The following DPH6 variants were observed in gnomAD, a reference collection of about 807,000 sequenced individuals.
The protein encoded by DPH6 is diphthine--ammonia ligase.
A neutral mutation model predicts 38.2 loss-of-function variants in DPH6; 33 were observed. The ratio of observed to expected loss-of-function variants is 0.86; its 90% CI spans 0.65 to 1.15. DPH6 has a LOEUF of 1.15. DPH6 is among the 50% of genes most tolerant of loss of function. The pLI is 0.00. For missense variants in DPH6, 325 were observed against 320.0 expected, an observed-to-expected ratio of 1.02 and a Z score of -0.12; for synonymous variants, 108 against 103.0, an observed-to-expected ratio of 1.05 and a Z score of -0.30.
chr15:35,486,391 G>A (rs1022140403), intron 3 of DPH6, among the ~76,000 whole-genome samples: 4 of 152,068 alleles, frequency 2.6e-5, no homozygotes, highest in Non-Finnish European at 5.9e-5. Flanking sequence ...AGGTTTAACT[G>A]ATTCACAGGT....
intron 5 of DPH6, among the ~76,000 whole-genome samples, chr15:35,427,060 C>T (rs2053578874): frequency 6.6e-6 from 1 of 150,680 alleles, no homozygotes. Flanking sequence ...ACTAAATAGA[C>T]ACCATGAGTG....
intron 3 of DPH6, among the ~76,000 whole-genome samples, chr15:35,317,653 A>G (rs577825893): frequency 6.6e-6 from 1 of 152,050 alleles, no homozygotes; most frequent in Non-Finnish European, 1.5e-5. Context: ...AAGGAATGAA[A>G]TATGACAGAA....
intron 1 of DPH6, among the ~76,000 whole-genome samples, chr15:35,543,383 C>T (rs1248716756): frequency 2.0e-5 from 3 of 149,784 alleles, no homozygotes; most frequent in African/African-American, 7.5e-5. Context: ...CTAAATCTAC[C>T]TAAGGCAGAC....
intron 3 of DPH6, chr15:35,520,249 G>T (rs1175613378): frequency 7.9e-4 from 483 of 607,632 alleles, no homozygotes; most frequent in East Asian, 1.2e-3. Flanking sequence ...AACAAAAGAA[G>T]AAGAATCAAA....
rs146633590 is a variant in DPH6 at position 35,235,127 on chromosome 15, C to A, written n.201-14545G>T. Among the ~76,000 whole-genome samples the A allele has an allele frequency of 2.6e-3, 392 of 152,318 alleles. 4 individuals carry two copies. Among genetic ancestry groups the A allele is most frequent in the African/African-American group, 9.0e-3 (376 of 41,574 alleles). On this transcript the variant is annotated intron_variant and non_coding_transcript_variant, in intron 3 of 3. Coordinates refer to the DPH6 transcript ENST00000560386. The stretch of plus-strand genomic sequence containing the variant: ...CAGAAGCCCTTTTACCATTTCCGGG[C>A]ATTCACTTCCCTTTGGTATAACAGC...
At chr15:35,267,380 T>C (rs768702032) in intron 3 of DPH6, among the ~76,000 whole-genome samples, 5 of 152,206 alleles carry the variant, frequency 3.3e-5, no homozygotes, top group Non-Finnish European at 5.9e-5. Flanking sequence ...TGAGGCCTTC[T>C]TGGTTCAGCT....
At chr15:35,173,352 T>A in the DPH6 span, among the ~76,000 whole-genome samples, 1 of 152,230 alleles carries the variant, frequency 6.6e-6, no homozygotes, top group African/African-American at 2.4e-5. Context: ...ACAAATCTTG[T>A]CATTTCTAAC....
intron 3 of DPH6, among the ~76,000 whole-genome samples, chr15:35,466,578 T>C (rs1293712415): frequency 1.3e-5 from 2 of 152,194 alleles, no homozygotes. Context: ...TCATTTGCAG[T>C]AATAGGACCA....
At chr15:35,403,428 G>A (rs924071374) in intron 6 of DPH6, among the ~76,000 whole-genome samples, 2 of 151,912 alleles carry the variant, frequency 1.3e-5, no homozygotes, top group Admixed American at 1.3e-4. Flanking sequence ...CACTTTTTTA[G>A]TTATTTAAAA....
At chr15:35,251,460 G>A (rs796976857) in intron 3 of DPH6, among the ~76,000 whole-genome samples, 3 of 152,200 alleles carry the variant, frequency 2.0e-5, no homozygotes, top group African/African-American at 7.2e-5. Context: ...GGCTGATCAT[G>A]TCATTCTCAT....
chr15:35,469,931 C>A (rs1368780618), intron 3 of DPH6, among the ~76,000 whole-genome samples: 1 of 152,122 alleles, frequency 6.6e-6, no homozygotes, highest in African/African-American at 2.4e-5. Flanking sequence ...TAAAACTAGG[C>A]TCACACCTGT....
At chr15:35,266,757 G>C (rs1195446072) in intron 3 of DPH6, among the ~76,000 whole-genome samples, 1 of 152,122 alleles carries the variant, frequency 6.6e-6, no homozygotes, top group Non-Finnish European at 1.5e-5. Flanking sequence ...CCAATAATCA[G>C]TAATAATTGT....
chr15:35,491,395 T>G (rs540139132), intron 3 of DPH6, among the ~76,000 whole-genome samples: 49 of 152,232 alleles, frequency 3.2e-4, no homozygotes, highest in African/African-American at 1.2e-3. Flanking sequence ...TGGAGACTGT[T>G]AGTGAAATCA....
At chr15:35,477,159 A>G (rs1372529079) in intron 3 of DPH6, among the ~76,000 whole-genome samples, 1 of 151,864 alleles carries the variant, frequency 6.6e-6, no homozygotes, top group Non-Finnish European at 1.5e-5. Flanking sequence ...AAGTGGAGGG[A>G]AAAAACCCTA....
intron 6 of DPH6, among the ~76,000 whole-genome samples, chr15:35,384,774 T>C (rs2052924643): frequency 6.6e-6 from 1 of 152,106 alleles, no homozygotes; most frequent in South Asian, 2.1e-4. Flanking sequence ...ACAAATGGGA[T>C]CTAATTAAAC....
At chr15:35,499,443 C>G (rs1052215508) in intron 3 of DPH6, among the ~76,000 whole-genome samples, 3 of 152,070 alleles carry the variant, frequency 2.0e-5, no homozygotes, top group Admixed American at 2.0e-4. Context: ...GGGGCAAGTA[C>G]GAATTTTATT....
intron 3 of DPH6, among the ~76,000 whole-genome samples, chr15:35,269,681 G>A (rs772049960): frequency 6.0e-5 from 9 of 150,544 alleles, no homozygotes; most frequent in Non-Finnish European, 1.3e-4. Flanking sequence ...CTCGTGATCC[G>A]CCCGCCTCGG....
intron 3 of DPH6, among the ~76,000 whole-genome samples, chr15:35,358,742 T>C (rs888012865): frequency 1.3e-5 from 2 of 152,202 alleles, no homozygotes; most frequent in African/African-American, 4.8e-5. Flanking sequence ...GAACCATCTA[T>C]GGATCTCTCA....
intron 3 of DPH6, among the ~76,000 whole-genome samples, chr15:35,283,613 T>C (rs539052388): frequency 3.3e-5 from 5 of 152,102 alleles, no homozygotes; most frequent in Non-Finnish European, 7.4e-5. Context: ...ACTTCTTATA[T>C]GGTTCTTCCC....
Sources: allele counts gnomAD v4.1 joint callset (sites outside exome capture counted in the v4.1 genomes callset), GRCh38; gene constraint gnomAD v4.1.1; transcripts MANE v1.5; gene names NCBI Gene and HGNC (gene_info 2026-07-23, HGNC 2026-07-21).